Variants in BIN3 observed in about 807,000 individuals in gnomAD.
The protein encoded by BIN3 is bridging integrator 3.
BIN3 carries 41 observed loss-of-function variants against 38.2 expected under a neutral mutation model. The ratio of observed to expected loss-of-function variants is 1.07; its 90% CI spans 0.84 to 1.39. The LOEUF is 1.39. BIN3 is among the 40% of genes most tolerant of loss of function. BIN3 has a pLI of 0.00. For synonymous variants in BIN3, 145 were observed against 122.6 expected (o/e 1.18, Z -1.21); for missense variants, 361 against 324.3 (o/e 1.11, Z -0.87).
rs374506399 is a variant in BIN3, at chr8:22,644,744, G to C, written c.57+11C>G. On this transcript the variant is annotated intron_variant, in intron 2 of 8. Coordinates refer to ENST00000276416, the MANE Select transcript of BIN3 (RefSeq NM_018688.6). The stretch of plus-strand genomic sequence containing the variant: ...AACTGAATCTCACAGCAAAACAATC[G>C]AGTTACTCACTGTTTTGGGCACAAT... The C allele has an allele frequency of 9.3e-6, 15 of 1,610,018 alleles. No individual in the cohort carries two copies. The Admixed American group carries it at 1.2e-4, about 13-fold the overall frequency.
intron 2 of BIN3, among the ~76,000 whole-genome samples, chr8:22,641,183 C>T (rs536305485): frequency 1.5e-3 from 235 of 152,250 alleles, no homozygotes; most frequent in Non-Finnish European, 2.4e-3. Flanking sequence ...CAATTGGACC[C>T]CAGTCAACAA....
intron 4 of BIN3, among the ~76,000 whole-genome samples, chr8:22,630,945 G>C (rs1802178889): frequency 6.6e-6 from 1 of 152,308 alleles, no homozygotes; most frequent in South Asian, 2.1e-4. Context: ...CAAGTGGTTT[G>C]GACGTGATGC....
Position 22,621,571 on chromosome 8 carries a change from G to C in BIN3, c.616-3C>G, listed in dbSNP as rs1248635404. 1.2e-6 allele frequency: 2 copies of C among 1,613,304 alleles called. No individual in the cohort carries two copies. The highest frequency in any genetic ancestry group is 1.1e-5 in the South Asian group (1 of 91,074). ...TGCATTTCCGAGTAGTACACAACCT[G>C]GGGGAGGCGACAGGGGTTGGCACGT... On this transcript the variant is annotated splice_region_variant and splice_polypyrimidine_tract_variant and intron_variant, in intron 8 of 8. Transcript: ENST00000276416.
chr8:22,625,327 T>C (rs1801970360), intron 6 of BIN3: 1 of 702,502 alleles, frequency 1.4e-6, no homozygotes, highest in Non-Finnish European at 2.6e-6. Context: ...AGCCCTGCAG[T>C]GTCCAGGATC....
chr8:22,636,343 C>T (rs536158911), intron 4 of BIN3, among the ~76,000 whole-genome samples, 182 bp downstream of exon 4: 5 of 152,326 alleles, frequency 3.3e-5, no homozygotes, highest in East Asian at 1.9e-4. Flanking sequence ...TGGGGCAGTG[C>T]GAGCTCTGTG....
At chr8:22,667,798 A>G (rs1803471501) in intron 1 of BIN3, among the ~76,000 whole-genome samples, 2 of 152,082 alleles carry the variant, frequency 1.3e-5, no homozygotes, top group Non-Finnish European at 2.9e-5. Context: ...TTGTCCATCA[A>G]TCTTGGTCTA....
intron 6 of BIN3, among the ~76,000 whole-genome samples, chr8:22,629,275 C>T (rs540917300): frequency 3.3e-5 from 5 of 152,178 alleles, no homozygotes; most frequent in South Asian, 2.1e-4. Context: ...TGCAGCTGGG[C>T]GAACAGGAGC....
At chr8:22,629,373 G>A (rs1802106974) in intron 6 of BIN3, among the ~76,000 whole-genome samples, 1 of 152,210 alleles carries the variant, frequency 6.6e-6, no homozygotes, top group Non-Finnish European at 1.5e-5. Context: ...TCCCCGCCCT[G>A]GGGACCGAGG....
intron 1 of BIN3, among the ~76,000 whole-genome samples, chr8:22,661,112 T>C (rs1803221986): frequency 6.6e-6 from 1 of 152,106 alleles, no homozygotes; most frequent in Non-Finnish European, 1.5e-5. Flanking sequence ...CTCCATCTCC[T>C]GGACTCAAGC....
chr8:22,635,634 C>T (rs1802343482), intron 4 of BIN3, among the ~76,000 whole-genome samples: 1 of 152,100 alleles, frequency 6.6e-6, no homozygotes, highest in African/African-American at 2.4e-5. Flanking sequence ...ACTTCATCTT[C>T]AGCAACAGCC....
At chr8:22,624,510 GC>G in intron 6 of BIN3, 147 bp from the exon 7 acceptor site, 1 of 1,073,852 alleles carries the variant, frequency 9.3e-7, no homozygotes. Context: ...CCAAAAATGT[GC>G]CCTGAGCACC....
chr8:22,639,607 C>T (rs1015712209), intron 2 of BIN3, among the ~76,000 whole-genome samples: 7 of 152,186 alleles, frequency 4.6e-5, no homozygotes, highest in African/African-American at 9.7e-5. Context: ...AGAGGCAGTG[C>T]GTGTAGAGCA....
chr8:22,634,590 G>A (rs6558173), intron 4 of BIN3: 5 of 454,446 alleles, frequency 1.1e-5, no homozygotes, highest in South Asian at 4.7e-5. Context: ...GGTTTTCCTC[G>A]TAACTGCAGT....
At chr8:22,666,617 A>G (rs1045185801) in intron 1 of BIN3, among the ~76,000 whole-genome samples, 1 of 152,116 alleles carries the variant, frequency 6.6e-6, no homozygotes, top group African/African-American at 2.4e-5. Context: ...CTAAACAAAC[A>G]GGGGGTGGGC....
intron 4 of BIN3, among the ~76,000 whole-genome samples, chr8:22,632,246 C>CT (rs1802226200): frequency 1.3e-5 from 2 of 152,182 alleles, no homozygotes; most frequent in Admixed American, 6.5e-5. Context: ...TTGCCTAGCA[C>CT]TCCATGGCAT....
In BIN3 at chr8:22,621,642, C is replaced by T. The variant is rs1585173076; in HGVS notation, c.616-74G>A. ...TGCTTCAGGGGGCCAGAGGCTCACA[C>T]TTCTCTGCTACCCCCTGCCCTTACC... On this transcript the variant is annotated intron_variant, in intron 8 of 8. Coordinates refer to ENST00000276416, the MANE Select transcript of BIN3 (RefSeq NM_018688.6). The T allele has an allele frequency of 2.5e-5, 36 of 1,450,194 alleles. No homozygotes were observed. The East Asian group carries it at 7.7e-4, about 31-fold the overall frequency. 89.8% of individuals were successfully genotyped at this position (1,450,194 alleles called of 1,614,324 possible).
At chr8:22,645,532 G>GGAGGA (rs1182930373) in intron 1 of BIN3, among the ~76,000 whole-genome samples, 2 of 150,754 alleles carry the variant, frequency 1.3e-5, no homozygotes, top group Non-Finnish European at 2.9e-5. Context: ...AAGGGGAGGG[G>GGAGGA]GAGGAAAGGA....
At chr8:22,667,579 T>G (rs963272577) in intron 1 of BIN3, among the ~76,000 whole-genome samples, 2 of 152,114 alleles carry the variant, frequency 1.3e-5, no homozygotes, top group African/African-American at 2.4e-5. Flanking sequence ...TGAAAGGACG[T>G]AATTCCTCTG....
intron 6 of BIN3, chr8:22,625,528 G>C (rs939806280): frequency 9.1e-6 from 6 of 657,196 alleles, no homozygotes; most frequent in Admixed American, 4.3e-5. Context: ...TCACTGTCAG[G>C]TTCCAGGAGC....
Sources: gnomAD v4.1 joint callset for allele counts (sites outside exome capture counted in the v4.1 genomes callset) on GRCh38, gnomAD v4.1.1 for gene constraint, MANE v1.5 for transcripts, NCBI Gene and HGNC (gene_info 2026-07-23, HGNC 2026-07-21) for gene names.